SRGAP3: variants seen among roughly 807,000 people sequenced by gnomAD.
The protein encoded by SRGAP3 is SLIT-ROBO Rho GTPase-activating protein 3.
In SRGAP3, 39 loss-of-function variants were observed where a neutral mutation model predicts 121.1. The observed-to-expected ratio is 0.32, with a 90% confidence interval of 0.25 to 0.42. The LOEUF is 0.42. Among genes scored for constraint, SRGAP3 ranks in the 10% least tolerant of loss-of-function variants. SRGAP3 has a pLI of 1.00. For synonymous variants in SRGAP3, 601 were observed against 570.0 expected (o/e 1.05, Z -0.77); for missense variants, 1,213 against 1,470.6 (o/e 0.82, Z 2.86).
intron 3 of SRGAP3, among the ~76,000 whole-genome samples, chr3:9,094,404 C>G (rs993686509): frequency 1.3e-5 from 2 of 152,186 alleles, no homozygotes; most frequent in East Asian, 3.9e-4. Flanking sequence ...CTCTGTTTCT[C>G]TATTAGAAAC....
intron 3 of SRGAP3, among the ~76,000 whole-genome samples, chr3:9,273,443 C>T (rs963495106): frequency 3.9e-5 from 6 of 152,106 alleles, no homozygotes; most frequent in Admixed American, 6.6e-5. Flanking sequence ...TTGATCCAGT[C>T]GTTTGTTTTT....
chr3:9,109,202 G>T lies in SRGAP3; in HGVS notation c.261-4360C>A, dbSNP rs757645721. On this transcript the variant is annotated intron_variant, in intron 2 of 21. Transcript: ENST00000383836. The surrounding 1 kb of genome is among the most constrained non-coding windows in gnomAD (Gnocchi z 4.4). ...GTGAACAGCACCAGGGAATTAAATT[G>T]TGCAAAATTATGGAAGCCACAGCCA... Among the ~76,000 whole-genome samples, 1 of 152,162 alleles carries T rather than the reference G, an allele frequency of 6.6e-6. No individual in the cohort carries two copies. Among genetic ancestry groups the T allele is most frequent in the Non-Finnish European group, 1.5e-5 (1 of 68,024 alleles).
At chr3:9,019,856 A>T (rs1943826444) in intron 14 of SRGAP3, among the ~76,000 whole-genome samples, 1 of 152,198 alleles carries the variant, frequency 6.6e-6, no homozygotes, top group Admixed American at 6.5e-5. Context: ...AGACACAGGT[A>T]TCAAATAGGT....
In SRGAP3 at chr3:9,111,402, G is replaced by A. The variant is rs73811430; in HGVS notation, c.261-6560C>T. 3.7e-3 allele frequency among the ~76,000 whole-genome samples: 568 copies of A among 152,358 alleles called. 4 individuals are homozygous for A. Among genetic ancestry groups the A allele is most frequent in the African/African-American group, 0.013 (531 of 41,594 alleles). On this transcript the variant is annotated intron_variant, in intron 2 of 21. Coordinates refer to ENST00000383836, the MANE Select transcript of SRGAP3 (RefSeq NM_014850.4). ...GGTGGGCTGGCGGGAGAAGGCTCTA[G>A]GCAGAGGGAACAGAATGGGCAAAGG...
intron 2 of SRGAP3, among the ~76,000 whole-genome samples, chr3:9,122,682 C>T (rs1300590901): frequency 6.8e-6 from 1 of 145,988 alleles, no homozygotes; most frequent in African/African-American, 2.6e-5. Context: ...GCATTCCAGC[C>T]TGGGTGGCAG....
At chr3:9,086,538 A>C (rs1219913587) in intron 3 of SRGAP3, among the ~76,000 whole-genome samples, 1 of 141,938 alleles carries the variant, frequency 7.0e-6, no homozygotes, top group African/African-American at 2.6e-5. Flanking sequence ...AAAAAAAAAA[A>C]CCATATATAC....
chr3:9,013,519 C>T lies in SRGAP3; in HGVS notation c.1936G>A (p.Asp646Asn). 2 of 1,614,036 alleles carry T rather than the reference C, an allele frequency of 1.2e-6. No homozygotes were observed. Among genetic ancestry groups the T allele is most frequent in the Non-Finnish European group, 1.7e-6 (2 of 1,180,014 alleles). ...AFLNHLSQYS[D>N]ENMMDPYNLA... The stretch of plus-strand genomic sequence containing the variant: ...TTGTAGGGATCCATCATGTTCTCGT[C>T]GCTATACTGGGAGAGGCTAGGAGAG... The change falls in exon 17 of 22, where the codon GAC (aspartate) becomes AAC (asparagine). Residue 646 changes from aspartate (D) to asparagine (N), a missense_variant. By Grantham distance (23) the Asp-to-Asn change is conservative. This residue lies in a region of SRGAP3 where 793 missense variants were observed against 1,032.9 expected (regional missense o/e 0.77). Coordinates refer to ENST00000383836, the MANE Select transcript of SRGAP3 (RefSeq NM_014850.4).
In SRGAP3 at chr3:8,985,950, T is replaced by TG; in HGVS notation, c.2887-19dup. On this transcript the variant is annotated intron_variant, in intron 21 of 21. Transcript: ENST00000383836. This position sits in a 1 kb window ranked among gnomAD's most constrained non-coding sequence, Gnocchi z 5.1. Reference sequence around the variant, plus strand: ...TCGATGTCCTGGGGACAGAGGGAGCTGGGGTCAGCACAGTCTGGAGACCTG... The same window carrying TG: ...TCGATGTCCTGGGGACAGAGGGAGCTGGGGGTCAGCACAGTCTGGAGACCTG... The TG allele has an allele frequency of 6.3e-7, 1 of 1,599,606 alleles. No homozygotes were observed. Among genetic ancestry groups the TG allele is most frequent in the Non-Finnish European group, 8.5e-7 (1 of 1,179,924 alleles).
intron 3 of SRGAP3, among the ~76,000 whole-genome samples, chr3:9,254,952 AAAGAG>A (rs1954098183): frequency 6.6e-6 from 1 of 151,544 alleles, no homozygotes; most frequent in Non-Finnish European, 1.5e-5. Context: ...AGAAAGAAAG[AAAGAG>A]AAAAGAAAGA....
chr3:9,099,327 C>T (rs1237829461), intron 3 of SRGAP3, among the ~76,000 whole-genome samples: 1 of 152,214 alleles, frequency 6.6e-6, no homozygotes, highest in Admixed American at 6.5e-5. Context: ...CAGCTTCCAA[C>T]CATCAAATTC....
chr3:9,107,575 C>T (rs1159219406), intron 2 of SRGAP3, among the ~76,000 whole-genome samples: 2 of 152,242 alleles, frequency 1.3e-5, no homozygotes, highest in African/African-American at 4.8e-5. Flanking sequence ...ACCCCGTTGA[C>T]CACACGCTAA....
chr3:9,074,621 C>A (rs186871865), intron 4 of SRGAP3, among the ~76,000 whole-genome samples: 5 of 152,302 alleles, frequency 3.3e-5, no homozygotes, highest in Non-Finnish European at 5.9e-5. Flanking sequence ...ACGCAGTGAG[C>A]CCAGGGTGGA....
intron 1 of SRGAP3, among the ~76,000 whole-genome samples, chr3:9,172,198 G>T (rs1951008721): frequency 6.6e-6 from 1 of 150,710 alleles, no homozygotes; most frequent in South Asian, 2.1e-4. Flanking sequence ...GGCTCAAGCA[G>T]TCCTCCCACT....
chr3:9,216,912 C>G (rs1952656551), intron 1 of SRGAP3: 1 of 152,108 alleles, frequency 6.6e-6, no homozygotes, highest in Admixed American at 6.5e-5. Context: ...ACAGCAGACA[C>G]AGAGGACAAA....
At chr3:9,326,306 G>A (rs150124353) in intron 2 of SRGAP3, 1 of 151,828 alleles carries the variant, frequency 6.6e-6, no homozygotes, top group Non-Finnish European at 1.5e-5. Flanking sequence ...CAGAAAACAT[G>A]CACTGAAAAT....
intron 3 of SRGAP3, among the ~76,000 whole-genome samples, chr3:9,301,829 C>T (rs548909690): frequency 2.0e-5 from 3 of 152,370 alleles, no homozygotes; most frequent in East Asian, 1.9e-4. Context: ...ATAGTACCTA[C>T]TTCACAGGGT....
intron 4 of SRGAP3, among the ~76,000 whole-genome samples, chr3:9,075,854 A>C (rs1946950748): frequency 6.6e-6 from 1 of 152,224 alleles, no homozygotes; most frequent in East Asian, 1.9e-4. Flanking sequence ...AATCCCTAGC[A>C]ATGAAGCATG....
intron 1 of SRGAP3, among the ~76,000 whole-genome samples, chr3:9,226,268 G>A (rs1312011799): frequency 6.6e-6 from 1 of 152,194 alleles, no homozygotes; most frequent in Non-Finnish European, 1.5e-5. Flanking sequence ...TCCTCTATCA[G>A]AAAGAGTTTT....
chr3:9,343,086 A>C (rs1439843381), intron 1 of SRGAP3, among the ~76,000 whole-genome samples: 1 of 152,206 alleles, frequency 6.6e-6, no homozygotes, highest in African/African-American at 2.4e-5. Context: ...AACTGCACAC[A>C]TGCAAAATTA....
Sources: gnomAD v4.1 joint callset for allele counts (sites outside exome capture counted in the v4.1 genomes callset) on GRCh38, gnomAD v4.1.1 for gene constraint, gnomAD v4.1.1 regional missense constraint, Gnocchi (gnomAD v3.1) non-coding constraint, MANE v1.5 for transcripts, NCBI Gene and HGNC (gene_info 2026-07-23, HGNC 2026-07-21) for gene names.